Variants in SCAPER observed in about 807,000 individuals in gnomAD.
The protein encoded by SCAPER is S-phase cyclin A associated protein in the ER, also known as S phase cyclin A-associated protein in the endoplasmic reticulum.
SCAPER carries 98 observed loss-of-function variants against 182.2 expected under a neutral mutation model. That is an observed-to-expected ratio of 0.54 (90% CI 0.46 to 0.64). The LOEUF (loss-of-function observed/expected upper bound fraction) is 0.64, where lower values mean the gene tolerates loss of function less well. Ranked by LOEUF, SCAPER falls within the 30% of genes least tolerant of loss-of-function variation. The pLI is 0.00. For synonymous variants in SCAPER, 605 were observed against 564.6 expected (o/e 1.07, Z -1.01); for missense variants, 1,432 against 1,690.0 (o/e 0.85, Z 2.68).
intron 23 of SCAPER, among the ~76,000 whole-genome samples, chr15:76,511,277 A>C (rs993101494): frequency 6.6e-6 from 1 of 152,160 alleles, no homozygotes; most frequent in Non-Finnish European, 1.5e-5. Context: ...AAAAGAAATA[A>C]ATAAAATAGT....
At chr15:76,397,179 C>A (rs2044123857) in intron 27 of SCAPER, among the ~76,000 whole-genome samples, 1 of 151,922 alleles carries the variant, frequency 6.6e-6, no homozygotes, top group African/African-American at 2.4e-5. Flanking sequence ...GGGATAAATC[C>A]CACTTGATCA....
At chr15:76,651,180 C>A (rs1026901270) in intron 21 of SCAPER, among the ~76,000 whole-genome samples, 1 of 151,590 alleles carries the variant, frequency 6.6e-6, no homozygotes, top group African/African-American at 2.4e-5. Flanking sequence ...AACGAACAAA[C>A]AAAAATCAAA....
chr15:76,465,580 T>A lies in SCAPER; in HGVS notation c.3078+5632A>T, dbSNP rs143359361. ...GCGGAAGCTTTTTAGTTTAATGTAA[T>A]CTCATTTATCTATTTTTGGCTTTTG... On this transcript the variant is annotated intron_variant, in intron 25 of 31. Coordinates refer to ENST00000563290, the MANE Select transcript of SCAPER (RefSeq NM_020843.4). Among the ~76,000 whole-genome samples, 205 of 152,312 alleles carry A rather than the reference T, an allele frequency of 1.3e-3. 4 individuals carry two copies. In the East Asian group the frequency reaches 0.036, roughly 27 times the overall value.
intron 23 of SCAPER, among the ~76,000 whole-genome samples, chr15:76,556,207 A>G (rs2046183516): frequency 6.6e-6 from 1 of 152,198 alleles, no homozygotes; most frequent in Non-Finnish European, 1.5e-5. Context: ...CAGAAATGAA[A>G]TTCTTTGAAA....
chr15:76,835,608 GA>G (rs1390898334), intron 5 of SCAPER, among the ~76,000 whole-genome samples: 1 of 152,140 alleles, frequency 6.6e-6, no homozygotes, highest in African/African-American at 2.4e-5. Context: ...GGCAAATGCT[GA>G]AACTATTCCC....
intron 8 of SCAPER, among the ~76,000 whole-genome samples, chr15:76,788,679 G>A (rs982290276): frequency 6.6e-6 from 1 of 152,070 alleles, no homozygotes; most frequent in African/African-American, 2.4e-5. Context: ...CATAGATACG[G>A]ACTTTGAAAT....
rs10524497 is a variant in SCAPER at position 76,370,291 on chromosome 15, A to ATTTTTTTT, written c.3855+5863_3855+5870dup. On this transcript the variant is annotated intron_variant, in intron 29 of 31. Transcript: ENST00000563290. ...GTATAACATATAATTTACCATTTCA[A>ATTTTTTTT]TTTTTTTTTTTTTTTTTTTTTTTTT... Among the ~76,000 whole-genome samples, 136 of 119,166 alleles carry ATTTTTTTT rather than the reference A, an allele frequency of 1.1e-3. 2 individuals carry two copies. The highest frequency in any genetic ancestry group is 1.8e-3 in the African/African-American group (49 of 27,124). The allele number at this position is 119,166 out of a possible 152,430, so 78.2% of individuals were successfully genotyped here.
chr15:76,712,394 T>C (rs2059637068), intron 17 of SCAPER, among the ~76,000 whole-genome samples: 1 of 152,204 alleles, frequency 6.6e-6, no homozygotes, highest in Non-Finnish European at 1.5e-5. Context: ...TTTGTTCTTT[T>C]GGCTTAGGAT....
At chr15:76,765,747 A>G (rs1370789562) in intron 11 of SCAPER, 109 bp from the exon 12 acceptor site, 4 of 936,052 alleles carry the variant, frequency 4.3e-6, no homozygotes, top group Non-Finnish European at 6.6e-6. Context: ...TATTCTATTT[A>G]ACCAACAGTT....
chr15:76,836,563 C>T lies in SCAPER; in HGVS notation c.393+5171G>A, dbSNP rs564235860. Among the ~76,000 whole-genome samples, 4 of 152,148 alleles carry T rather than the reference C, an allele frequency of 2.6e-5. No individual in the cohort carries two copies. In the East Asian group the frequency reaches 7.7e-4, roughly 29 times the overall value. ...TCCTTTCACCATATATAAAAATCAA[C>T]TCAAAATGGATTTAAAAAGTAATTG... On this transcript the variant is annotated intron_variant, in intron 5 of 31. Transcript: ENST00000563290.
chr15:76,499,648 T>G (rs1256914376), intron 24 of SCAPER, among the ~76,000 whole-genome samples: 1 of 152,216 alleles, frequency 6.6e-6, no homozygotes, highest in South Asian at 2.1e-4. Flanking sequence ...TACTTGGCAA[T>G]GCAGCACATA....
rs556541932 is a variant in SCAPER at position 76,493,240 on chromosome 15, C to A, written c.2954+11619G>T. On this transcript the variant is annotated intron_variant, in intron 24 of 31. Coordinates refer to ENST00000563290, the MANE Select transcript of SCAPER (RefSeq NM_020843.4). ...ATGATTATTTCCCTGCACTTCATAT[C>A]ATAAAATATAACATTTTAATAACAA... Among the ~76,000 whole-genome samples, 13 of 152,228 alleles carry A rather than the reference C, an allele frequency of 8.5e-5. No individual in the cohort carries two copies. In the South Asian group the frequency reaches 1.5e-3, roughly 17 times the overall value.
At chr15:76,821,528 TG>T (rs1374060128) in intron 5 of SCAPER, among the ~76,000 whole-genome samples, 4 of 150,098 alleles carry the variant, frequency 2.7e-5, no homozygotes, top group Non-Finnish European at 4.5e-5. Flanking sequence ...AGGCTGAGGT[TG>T]GGGGGGATCA....
chr15:76,537,056 T>G (rs1023695047), intron 23 of SCAPER, among the ~76,000 whole-genome samples: 2 of 151,996 alleles, frequency 1.3e-5, no homozygotes, highest in Non-Finnish European at 2.9e-5. Context: ...CATTGCTCAA[T>G]GAAATAAAAG....
intron 23 of SCAPER, among the ~76,000 whole-genome samples, chr15:76,553,646 G>A (rs1004371285): frequency 3.3e-5 from 5 of 151,104 alleles, no homozygotes; most frequent in African/African-American, 9.9e-5. Flanking sequence ...AACTCAAGGG[G>A]ATGGAGAACA....
At chr15:76,671,967 C>T (rs1161500072) in intron 20 of SCAPER, among the ~76,000 whole-genome samples, 4 of 151,998 alleles carry the variant, frequency 2.6e-5, no homozygotes, top group African/African-American at 2.4e-5. Flanking sequence ...GGGGCTCTGG[C>T]GACTTCAATA....
chr15:76,784,134 C>T (rs2064391004), intron 8 of SCAPER, among the ~76,000 whole-genome samples: 1 of 152,182 alleles, frequency 6.6e-6, no homozygotes, highest in African/African-American at 2.4e-5. Flanking sequence ...ATTTAAAAAA[C>T]CCATCGTCTC....
At chr15:76,532,389 T>C (rs2043754783) in intron 23 of SCAPER, among the ~76,000 whole-genome samples, 1 of 151,290 alleles carries the variant, frequency 6.6e-6, no homozygotes, top group African/African-American at 2.4e-5. Flanking sequence ...CATTCTTGAG[T>C]CAGGGTCTCG....
intron 23 of SCAPER, among the ~76,000 whole-genome samples, chr15:76,522,966 G>A (rs1383707619): frequency 6.6e-6 from 1 of 151,610 alleles, no homozygotes; most frequent in African/African-American, 2.4e-5. Flanking sequence ...ATTTACATGG[G>A]GAATTCTATT....
Sources: gnomAD v4.1 joint callset for allele counts (sites outside exome capture counted in the v4.1 genomes callset) on GRCh38, gnomAD v4.1.1 for gene constraint, MANE v1.5 for transcripts, NCBI Gene and HGNC (gene_info 2026-07-23, HGNC 2026-07-21) for gene names.